The following ADAM22 variants were observed in gnomAD, a reference collection of about 807,000 sequenced individuals.
The protein encoded by ADAM22 is disintegrin and metalloproteinase domain-containing protein 22.
In ADAM22, 65 loss-of-function variants were observed where a neutral mutation model predicts 144.6. The observed-to-expected ratio is 0.45, with a 90% CI of 0.37 to 0.55. The LOEUF (loss-of-function observed/expected upper bound fraction) is 0.55, where lower values mean the gene tolerates loss of function less well. Ranked by LOEUF, ADAM22 falls within the 20% of genes least tolerant of loss-of-function variation. ADAM22 has a pLI of 0.00. For missense variants in ADAM22, 974 were observed against 1,184.9 expected, an observed-to-expected ratio of 0.82 and a Z score of 2.61; for synonymous variants, 391 against 412.6, an observed-to-expected ratio of 0.95 and a Z score of 0.63.
intron 31 of ADAM22, 56 bp downstream of exon 31, chr7:88,193,295 G>T: frequency 6.4e-7 from 1 of 1,555,032 alleles, no homozygotes; most frequent in Non-Finnish European, 8.7e-7. Flanking sequence ...ATTTATCTAT[G>T]AGTTTATATT....
In ADAM22 at chr7:88,162,874, A is replaced by T; in HGVS notation, c.1908-138A>T. On this transcript the variant is annotated intron_variant, in intron 22 of 31. Coordinates refer to ENST00000413139, the MANE Select transcript of ADAM22 (RefSeq NM_001324418.2). ...ATTCAATAGCTTTCTCTGAGATTGA[A>T]CTGGCTTATGCTACTGGTCTTTAAT... The T allele has an allele frequency of 2.7e-6, 2 of 749,768 alleles. 1 individual carries two copies. The highest frequency in any genetic ancestry group is 4.0e-5 in the South Asian group (2 of 49,930). The allele number at this position is 749,768 out of a possible 1,614,324, so 46.4% of individuals were successfully genotyped here. A position where few individuals can be genotyped will look rare whatever the true frequency, so the allele number is the denominator to read the frequency against.
chr7:88,192,808 A>G (rs1849902566), intron 30 of ADAM22, among the ~76,000 whole-genome samples: 1 of 152,248 alleles, frequency 6.6e-6, no homozygotes, highest in Admixed American at 6.5e-5. Context: ...AGCTCTTAGA[A>G]TAATTTCATC....
At chr7:88,188,789 A>T (rs1042915339) in intron 30 of ADAM22, among the ~76,000 whole-genome samples, 8 of 152,332 alleles carry the variant, frequency 5.3e-5, no homozygotes, top group African/African-American at 1.9e-4. Context: ...TTAGGCTCAG[A>T]TCTGCTTCAT....
In ADAM22 at chr7:87,965,107, C is replaced by CA. The variant is rs200202445; in HGVS notation, c.247-13220dup. 5.1e-3 allele frequency among the ~76,000 whole-genome samples: 767 copies of CA among 150,032 alleles called. 20 individuals are homozygous for CA. Among genetic ancestry groups the CA allele is most frequent in the East Asian group, 0.033 (172 of 5,146 alleles). ...GTCTTCATTCTAGCCCACTGGCAAA[C>CA]AAAAAAAAATGAAATATTTTTGCGG... On this transcript the variant is annotated intron_variant, in intron 2 of 31. Coordinates refer to ENST00000413139, the MANE Select transcript of ADAM22 (RefSeq NM_001324418.2).
At chr7:88,076,040 G>C (rs868154082) in intron 4 of ADAM22, among the ~76,000 whole-genome samples, 3 of 152,016 alleles carry the variant, frequency 2.0e-5, no homozygotes, top group African/African-American at 7.2e-5. Context: ...TTGAGACAAA[G>C]TCTCGCTCTT....
intron 3 of ADAM22, among the ~76,000 whole-genome samples, chr7:88,047,360 C>A (rs989305457): frequency 6.6e-5 from 10 of 152,158 alleles, no homozygotes; most frequent in African/African-American, 2.4e-4. Flanking sequence ...ATCTATCTTC[C>A]AGCAATTAAG....
chr7:87,956,920 A>T, intron 2 of ADAM22, among the ~76,000 whole-genome samples: 1 of 152,244 alleles, frequency 6.6e-6, no homozygotes, highest in East Asian at 1.9e-4. Context: ...AAACACACAC[A>T]TGAAAGTATC....
At chr7:88,185,714 A>T (rs2129539150) in intron 29 of ADAM22, 1 of 152,322 alleles carries the variant, frequency 6.6e-6, no homozygotes, top group Non-Finnish European at 1.5e-5. Context: ...GAAAACCAAC[A>T]ACTGAAGACC....
chr7:88,090,745 A>G (rs1227260765), intron 4 of ADAM22, among the ~76,000 whole-genome samples: 1 of 152,160 alleles, frequency 6.6e-6, no homozygotes, highest in Admixed American at 6.6e-5. Flanking sequence ...TGGTAATTTA[A>G]TGAGAAATTA....
intron 3 of ADAM22, among the ~76,000 whole-genome samples, chr7:88,025,197 A>G (rs1205520439): frequency 1.3e-5 from 2 of 152,134 alleles, no homozygotes; most frequent in East Asian, 3.9e-4. Context: ...ATTTCTCCAC[A>G]TCCTCTCCAG....
chr7:87,991,123 C>A (rs918455877), intron 3 of ADAM22, among the ~76,000 whole-genome samples: 2 of 152,160 alleles, frequency 1.3e-5, no homozygotes, highest in Non-Finnish European at 2.9e-5. Flanking sequence ...TTTGACATGA[C>A]CCTATTAATC....
At chr7:88,190,413 T>C (rs1174216843) in intron 30 of ADAM22, among the ~76,000 whole-genome samples, 1 of 151,950 alleles carries the variant, frequency 6.6e-6, no homozygotes, top group Non-Finnish European at 1.5e-5. Context: ...CGCATTCCTA[T>C]AGTCCCAGCT....
At chr7:87,989,654 G>A (rs182630265) in intron 3 of ADAM22, among the ~76,000 whole-genome samples, 2 of 152,280 alleles carry the variant, frequency 1.3e-5, no homozygotes, top group African/African-American at 2.4e-5. Context: ...GGTGGCTCAC[G>A]CCTATAATCC....
At chr7:88,021,738 T>C (rs1797868154) in intron 3 of ADAM22, among the ~76,000 whole-genome samples, 1 of 152,192 alleles carries the variant, frequency 6.6e-6, no homozygotes, top group South Asian at 2.1e-4. Flanking sequence ...ATTATGTATG[T>C]GTACTTGTGC....
intron 3 of ADAM22, among the ~76,000 whole-genome samples, chr7:88,072,244 T>G (rs1349105426): frequency 1.3e-5 from 2 of 152,242 alleles, no homozygotes; most frequent in Middle Eastern, 3.2e-3. Flanking sequence ...AATAGCTGCA[T>G]AATTCCTGAG....
intron 3 of ADAM22, among the ~76,000 whole-genome samples, chr7:87,983,552 T>C (rs1390024568): frequency 1.3e-5 from 2 of 152,168 alleles, no homozygotes; most frequent in Non-Finnish European, 2.9e-5. Context: ...TTATTGTTTC[T>C]CTTAGGTTTG....
chr7:87,991,220 T>C (rs893788860), intron 3 of ADAM22, among the ~76,000 whole-genome samples: 1 of 152,242 alleles, frequency 6.6e-6, no homozygotes, highest in Non-Finnish European at 1.5e-5. Context: ...TATCTTAGAA[T>C]TGATTTCTAG....
At chr7:88,026,414 G>C (rs1021976397) in intron 3 of ADAM22, among the ~76,000 whole-genome samples, 1 of 152,082 alleles carries the variant, frequency 6.6e-6, no homozygotes, top group Admixed American at 6.6e-5. Flanking sequence ...CTGAAGGGGC[G>C]GTGCTAACCC....
chr7:88,001,229 A>G (rs190103633), intron 3 of ADAM22, among the ~76,000 whole-genome samples: 29 of 152,334 alleles, frequency 1.9e-4, no homozygotes, highest in Admixed American at 6.5e-4. Flanking sequence ...GAAGATTTGC[A>G]TATATATAAT....
Sources: gnomAD v4.1 joint callset for allele counts (sites outside exome capture counted in the v4.1 genomes callset) on GRCh38, gnomAD v4.1.1 for gene constraint, MANE v1.5 for transcripts, NCBI Gene and HGNC (gene_info 2026-07-23, HGNC 2026-07-21) for gene names.